The following LRIF1 variants were observed in gnomAD, a reference collection of about 807,000 sequenced individuals.
LRIF1 encodes the protein ligand-dependent nuclear receptor-interacting factor 1.
A neutral mutation model predicts 52.7 loss-of-function variants in LRIF1; 32 were observed. That is an observed-to-expected ratio of 0.61 (90% CI 0.46 to 0.82). The LOEUF is 0.82. Among genes scored for constraint, LRIF1 ranks in the 40% least tolerant of loss-of-function variants. The pLI is 0.00. For missense variants in LRIF1, 887 were observed against 892.0 expected (o/e 0.99, Z 0.07); for synonymous variants, 323 against 317.4 (o/e 1.02, Z -0.19).
In LRIF1 at chr1:110,963,913, G is replaced by A. The variant is rs1659076272; in HGVS notation, c.-225C>T. On this transcript the variant is annotated 5_prime_UTR_variant, in exon 1 of 4. Transcript: ENST00000369763. Reference sequence around the variant, plus strand: ...GCGCAGAAACCGGAAGGCTCCTGGCGGTGGACTGCGCCCTCACAGCCCTAC... The same window carrying A: ...GCGCAGAAACCGGAAGGCTCCTGGCAGTGGACTGCGCCCTCACAGCCCTAC... 3 of 418,552 alleles carry A rather than the reference G, an allele frequency of 7.2e-6. No individual in the cohort carries two copies. The highest frequency in any genetic ancestry group is 2.0e-5 in the African/African-American group (1 of 50,538). 25.9% of individuals were successfully genotyped at this position (418,552 alleles called of 1,614,324 possible).
In LRIF1 at chr1:110,947,933, T is replaced by C; in HGVS notation, c.*26A>G. On this transcript the variant is annotated 3_prime_UTR_variant, in exon 4 of 4. Coordinates refer to ENST00000369763, the MANE Select transcript of LRIF1 (RefSeq NM_018372.4). ...TGAAGTATATTTTAAAAAACAGCTA[T>C]TTCACTGAAGTCTTTACAGGAGATT... 1 of 1,545,802 alleles carries C rather than the reference T, an allele frequency of 6.5e-7. No homozygotes were observed. The highest frequency in any genetic ancestry group is 1.2e-5 in the South Asian group (1 of 80,432).
the LRIF1 span, among the ~76,000 whole-genome samples, chr1:110,925,098 G>C: frequency 6.6e-6 from 1 of 152,154 alleles, no homozygotes; most frequent in African/African-American, 2.4e-5. Context: ...ACAGTACACA[G>C]ATATTTGGTA....
the LRIF1 span, among the ~76,000 whole-genome samples, chr1:110,935,435 A>G: frequency 1.3e-5 from 2 of 152,246 alleles, no homozygotes; most frequent in African/African-American, 2.4e-5. Context: ...ACAGAAATTC[A>G]AGATAACACA....
rs905910497 is a variant in LRIF1, at chr1:110,951,725, G to T, written c.1159C>A (p.Pro387Thr). The T allele has an allele frequency of 6.2e-7, 1 of 1,613,780 alleles. No homozygotes were observed. The highest frequency in any genetic ancestry group is 8.5e-7 in the Non-Finnish European group (1 of 1,180,000). The change falls in exon 2 of 4, where the codon CCT (proline) becomes ACT (threonine). Residue 387 changes from proline to threonine, a missense_variant. By Grantham distance (38) the Pro-to-Thr change is conservative. Coordinates refer to ENST00000369763, the MANE Select transcript of LRIF1 (RefSeq NM_018372.4). ...SQIDQQNSVS[P>T]DTPVRKDTLQ... is the part of the protein sequence containing the mutation. ...GTGTCTTTTCTTACTGGAGTATCAGGAGAAACAGAATTCTGTTGGTCAATT... is the reference window on the plus strand; with the variant it reads ...GTGTCTTTTCTTACTGGAGTATCAGTAGAAACAGAATTCTGTTGGTCAATT...
the LRIF1 span, among the ~76,000 whole-genome samples, chr1:110,908,780 A>T: frequency 6.6e-6 from 1 of 152,216 alleles, no homozygotes; most frequent in African/African-American, 2.4e-5. Flanking sequence ...CTTGAAAGAG[A>T]TTGAGAGAGA....
At chr1:110,923,049 A>T in the LRIF1 span, among the ~76,000 whole-genome samples, 1 of 152,194 alleles carries the variant, frequency 6.6e-6, no homozygotes, top group African/African-American at 2.4e-5. Flanking sequence ...TCACACCTGT[A>T]ATACCAGCAC....
the LRIF1 span, among the ~76,000 whole-genome samples, chr1:110,901,115 A>G: frequency 1.3e-5 from 2 of 152,004 alleles, no homozygotes; most frequent in Non-Finnish European, 2.9e-5. Context: ...TTTTCCTGAG[A>G]CAAAGAAGTA....
At chr1:110,936,530 T>C in the LRIF1 span, 1 of 152,094 alleles carries the variant, frequency 6.6e-6, no homozygotes, top group Non-Finnish European at 1.5e-5. Flanking sequence ...AGTTATCGGA[T>C]TGAAATAATG....
chr1:110,901,213 T>C, the LRIF1 span, among the ~76,000 whole-genome samples: 1 of 152,116 alleles, frequency 6.6e-6, no homozygotes, highest in Non-Finnish European at 1.5e-5. Flanking sequence ...TTTTTGCTCT[T>C]GTTGCCCAGG....
chr1:110,931,120 G>A, the LRIF1 span, among the ~76,000 whole-genome samples: 1 of 152,074 alleles, frequency 6.6e-6, no homozygotes, highest in African/African-American at 2.4e-5. Flanking sequence ...TTCTCCTAAT[G>A]CTATCCCTAC....
chr1:110,886,719 C>T, the LRIF1 span, among the ~76,000 whole-genome samples: 9 of 151,446 alleles, frequency 5.9e-5, no homozygotes, highest in Non-Finnish European at 1.0e-4. Flanking sequence ...CATGGTGGCA[C>T]GTGCTGTGGT....
At position 110,951,472 on chromosome 1, in the gene LRIF1, G is replaced by A. The variant is rs746276179; in HGVS notation, c.1412C>T (p.Thr471Ile). The A allele has an allele frequency of 2.5e-6, 4 of 1,614,072 alleles. No individual in the cohort carries two copies. The highest frequency in any genetic ancestry group is 3.4e-6 in the Non-Finnish European group (4 of 1,179,996). The change falls in exon 2 of 4, where the codon ACT (threonine) becomes ATT (isoleucine). Residue 471 changes from threonine (T) to isoleucine (I), a missense_variant. Coordinates refer to ENST00000369763, the MANE Select transcript of LRIF1 (RefSeq NM_018372.4). ...QSSNYLKQSK[T>I]LFTNPIFPVG... Reference sequence around the variant, plus strand: ...TGGAAAGATTGGATTTGTGAATAAAGTCTTACTCTGTTTTAAGTAGTTACT... The same window carrying A: ...TGGAAAGATTGGATTTGTGAATAAAATCTTACTCTGTTTTAAGTAGTTACT...
downstream of LRIF1, among the ~76,000 whole-genome samples, chr1:110,942,583 G>C (rs1048968273): frequency 6.6e-6 from 1 of 152,102 alleles, no homozygotes; most frequent in Non-Finnish European, 1.5e-5. Context: ...AATCACAGTA[G>C]AGGTGGTGAG....
chr1:110,897,982 C>A, the LRIF1 span: 1 of 635,276 alleles, frequency 1.6e-6, no homozygotes. Context: ...AGTATTTACA[C>A]AATAAATGTT....
the LRIF1 span, among the ~76,000 whole-genome samples, chr1:110,902,575 T>A: frequency 6.7e-6 from 1 of 149,960 alleles, no homozygotes; most frequent in Non-Finnish European, 1.5e-5. Context: ...AGAATAAATT[T>A]CAGGCATTAA....
chr1:110,892,720 G>A, the LRIF1 span: 1 of 556,620 alleles, frequency 1.8e-6, no homozygotes, highest in South Asian at 2.5e-5. Flanking sequence ...CCACGGACAG[G>A]TGAAAGAGGG....
the LRIF1 span, among the ~76,000 whole-genome samples, chr1:110,889,793 C>A: frequency 2.0e-5 from 3 of 152,102 alleles, no homozygotes; most frequent in African/African-American, 7.2e-5. Context: ...GAGGAAAATT[C>A]AAGTTTGACC....
the LRIF1 span, among the ~76,000 whole-genome samples, chr1:110,919,224 G>C: frequency 6.6e-6 from 1 of 151,308 alleles, no homozygotes; most frequent in Non-Finnish European, 1.5e-5. Context: ...GTGTCTGTGA[G>C]GGTGTTGCCA....
At chr1:110,937,360 T>C in the LRIF1 span, 1 of 151,982 alleles carries the variant, frequency 6.6e-6, no homozygotes, top group Non-Finnish European at 1.5e-5. Flanking sequence ...TTCAAAAAAA[T>C]TGAAATAATA....
Sources: gnomAD v4.1 joint callset for allele counts (sites outside exome capture counted in the v4.1 genomes callset) on GRCh38, gnomAD v4.1.1 for gene constraint, MANE v1.5 for transcripts, NCBI Gene and HGNC (gene_info 2026-07-23, HGNC 2026-07-21) for gene names.